RALYL: variants seen among roughly 807,000 people sequenced by gnomAD.
RALYL encodes the protein RALY RNA binding protein like.
A neutral mutation model predicts 35.1 loss-of-function variants in RALYL; 29 were observed. That is an observed-to-expected ratio of 0.83 (90% CI 0.61 to 1.13). The LOEUF (loss-of-function observed/expected upper bound fraction) is 1.13. Ranked by LOEUF, RALYL falls within the 50% of genes most tolerant of loss-of-function variation. RALYL has a pLI of 0.00. For missense variants in RALYL, 359 were observed against 360.4 expected, an observed-to-expected ratio of 1.00 and a Z score of 0.03; for synonymous variants, 120 against 127.6, an observed-to-expected ratio of 0.94 and a Z score of 0.40.
At chr8:84,364,201 C>T (rs78245035) in intron 1 of RALYL, among the ~76,000 whole-genome samples, 1,617 of 152,274 alleles carry the variant, frequency 0.011, 17 homozygotes, top group Non-Finnish European at 0.018. Flanking sequence ...GAGGCATCAA[C>T]CATCGCTTCT....
At chr8:84,372,676 A>G (rs1855961280) in intron 1 of RALYL, among the ~76,000 whole-genome samples, 1 of 151,980 alleles carries the variant, frequency 6.6e-6, no homozygotes, top group Non-Finnish European at 1.5e-5. Flanking sequence ...TCCAGCCAAC[A>G]AAGTCAGACC....
At chr8:84,456,362 G>A (rs981238047) in intron 1 of RALYL, among the ~76,000 whole-genome samples, 1 of 152,012 alleles carries the variant, frequency 6.6e-6, no homozygotes, top group Non-Finnish European at 1.5e-5. Flanking sequence ...AGGAAGCCAA[G>A]AGGATACTAA....
At chr8:84,904,637 T>C (rs1846186040) in intron 8 of RALYL, among the ~76,000 whole-genome samples, 1 of 151,190 alleles carries the variant, frequency 6.6e-6, no homozygotes, top group Non-Finnish European at 1.5e-5. Flanking sequence ...TGTCTAGTGA[T>C]TGTAGAGTTG....
At chr8:84,653,557 G>A (rs2131558630) in intron 2 of RALYL, among the ~76,000 whole-genome samples, 1 of 151,756 alleles carries the variant, frequency 6.6e-6, no homozygotes, top group African/African-American at 2.4e-5. Context: ...TTTCCCAATG[G>A]CTTCCTTCCT....
At chr8:84,494,854 T>C (rs926994994) in intron 1 of RALYL, among the ~76,000 whole-genome samples, 18 of 152,206 alleles carry the variant, frequency 1.2e-4, no homozygotes, top group African/African-American at 4.3e-4. Context: ...CAGAGACAAT[T>C]TGACTTCCTC....
At chr8:84,343,836 C>T (rs1849312352) in intron 1 of RALYL, among the ~76,000 whole-genome samples, 1 of 150,826 alleles carries the variant, frequency 6.6e-6, no homozygotes, top group African/African-American at 2.4e-5. Flanking sequence ...AATCATGTTT[C>T]CCAGGTTGGT....
chr8:84,883,490 A>G (rs753551707), intron 7 of RALYL, among the ~76,000 whole-genome samples: 1 of 152,078 alleles, frequency 6.6e-6, no homozygotes, highest in Non-Finnish European at 1.5e-5. Flanking sequence ...ATATGGCAGC[A>G]GGCAAGAGAG....
chr8:84,231,420 A>G (rs1326137345), intron 1 of RALYL, among the ~76,000 whole-genome samples: 1 of 152,172 alleles, frequency 6.6e-6, no homozygotes, highest in East Asian at 1.9e-4. Context: ...AATATATTCC[A>G]TAGTTATTGA....
At chr8:84,824,233 C>A in intron 4 of RALYL, among the ~76,000 whole-genome samples, 1 of 146,084 alleles carries the variant, frequency 6.8e-6, no homozygotes. Context: ...AGAACCAAAT[C>A]AAGAATGTAA....
At chr8:84,451,041 T>G (rs768503224) in intron 1 of RALYL, among the ~76,000 whole-genome samples, 11 of 151,980 alleles carry the variant, frequency 7.2e-5, no homozygotes, top group Non-Finnish European at 1.2e-4. Flanking sequence ...AGTCAAAAGC[T>G]ATCAGATTAA....
chr8:84,497,630 G>GTTTTTTTT (rs1181968193), intron 1 of RALYL, among the ~76,000 whole-genome samples: 7 of 119,150 alleles, frequency 5.9e-5, no homozygotes, highest in African/African-American at 2.2e-4. Flanking sequence ...TTTTTTTGTT[G>GTTTTTTTT]TTTTTGTTTT....
At chr8:84,328,608 T>A (rs73293008) in intron 1 of RALYL, among the ~76,000 whole-genome samples, 7,014 of 152,224 alleles carry the variant, frequency 0.046, 514 homozygotes, top group African/African-American at 0.15. Flanking sequence ...AATTTAATTT[T>A]ATTTTTTATA....
chr8:84,668,281 T>C (rs1036791960), intron 2 of RALYL, among the ~76,000 whole-genome samples: 9 of 152,160 alleles, frequency 5.9e-5, no homozygotes, highest in African/African-American at 2.2e-4. Flanking sequence ...TGAATGCTAT[T>C]GTTGGAGCCC....
intron 1 of RALYL, among the ~76,000 whole-genome samples, chr8:84,473,601 G>A (rs1437768056): frequency 6.6e-6 from 1 of 151,556 alleles, no homozygotes; most frequent in Non-Finnish European, 1.5e-5. Context: ...TAGTCCTTAT[G>A]TGGCAAATTA....
intron 1 of RALYL, among the ~76,000 whole-genome samples, chr8:84,506,295 C>A (rs1398281968): frequency 4.6e-5 from 7 of 152,004 alleles, no homozygotes; most frequent in African/African-American, 1.4e-4. Flanking sequence ...AAATAACTTT[C>A]ATAAAGACGC....
At chr8:84,835,575 C>T (rs1395516306) in intron 4 of RALYL, among the ~76,000 whole-genome samples, 1 of 146,192 alleles carries the variant, frequency 6.8e-6, no homozygotes, top group Non-Finnish European at 1.5e-5. Flanking sequence ...CCCAGCTACT[C>T]GGGAGGCTGA....
chr8:84,270,168 T>C (rs939388996), intron 1 of RALYL, among the ~76,000 whole-genome samples: 2 of 152,144 alleles, frequency 1.3e-5, no homozygotes, highest in African/African-American at 4.8e-5. Flanking sequence ...AAAGAACAAA[T>C]TGTCTTTTAC....
intron 2 of RALYL, among the ~76,000 whole-genome samples, chr8:84,704,929 G>T (rs1339295727): frequency 1.3e-5 from 2 of 152,186 alleles, no homozygotes; most frequent in Admixed American, 6.5e-5. Context: ...ACTTTGAACA[G>T]CTGAGTATCT....
intron 1 of RALYL, among the ~76,000 whole-genome samples, chr8:84,522,541 G>A (rs923478298): frequency 5.9e-5 from 9 of 152,052 alleles, no homozygotes; most frequent in Non-Finnish European, 8.8e-5. Flanking sequence ...GAGCCACCGC[G>A]CCCGGCCTAG....
Sources: allele counts gnomAD v4.1 joint callset (sites outside exome capture counted in the v4.1 genomes callset), GRCh38; gene constraint gnomAD v4.1.1; transcripts MANE v1.5; gene names NCBI Gene and HGNC (gene_info 2026-07-23, HGNC 2026-07-21).